FBXO9: variants seen among roughly 807,000 people sequenced by gnomAD.
The protein encoded by FBXO9 is F-box protein 9, also known as F-box only protein 9.
Under a neutral mutation model 63.7 loss-of-function variants are expected in FBXO9, and 43 were observed. That is an observed-to-expected ratio of 0.67 (90% confidence interval 0.53 to 0.87). The LOEUF (loss-of-function observed/expected upper bound fraction) is 0.87. Among genes scored for constraint, FBXO9 ranks in the 40% least tolerant of loss-of-function variants. FBXO9 has a pLI of 0.00. For synonymous variants in FBXO9, 156 were observed against 171.7 expected (o/e 0.91, Z 0.72); for missense variants, 442 against 533.2 (o/e 0.83, Z 1.68).
At chr6:53,071,228 A>G in intron 2 of FBXO9, 85 bp downstream of exon 2, 2 of 1,288,842 alleles carry the variant, frequency 1.6e-6, no homozygotes, top group Non-Finnish European at 1.1e-6. Flanking sequence ...GGGTATTTGT[A>G]GGTTATTACT....
chr6:53,097,696 A>G (rs1403391911), intron 12 of FBXO9, 26 bp from the exon 13 acceptor site: 3 of 1,354,092 alleles, frequency 2.2e-6, no homozygotes, highest in African/African-American at 1.4e-5. Flanking sequence ...TCCTCATACT[A>G]GTAATTTTGT....
Position 53,076,519 on chromosome 6 carries a change from G to T in FBXO9, c.283G>T (p.Glu95Ter). ...RELFLKAVEE[E>*]QNGALYEAIK... ...ACTCTTCCTAAAAGCAGTAGAAGAAGAACAAAATGGAGCTCTCTATGAAGG... is the reference window on the plus strand; with the variant it reads ...ACTCTTCCTAAAAGCAGTAGAAGAATAACAAAATGGAGCTCTCTATGAAGG... The change falls in exon 4 of 13, where the codon GAA (glutamate) becomes TAA (stop). Residue 95 changes from glutamate (E) to a stop codon, truncating the protein, a stop_gained. Transcript: ENST00000323557. LOFTEE classifies it high-confidence loss of function. The T allele has an allele frequency of 6.5e-7, 1 of 1,545,258 alleles. No homozygotes were observed. Among genetic ancestry groups the T allele is most frequent in the Admixed American group, 2.3e-5 (1 of 43,412 alleles).
chr6:53,076,360 A>G lies in FBXO9; in HGVS notation c.250-126A>G, dbSNP rs377181487. Reference sequence around the variant, plus strand: ...TTATGTAAAGTATGAGGTTTAGGTCAAGGTTCATTAATTTGCCTATGAATA... The same window carrying G: ...TTATGTAAAGTATGAGGTTTAGGTCGAGGTTCATTAATTTGCCTATGAATA... On this transcript the variant is annotated intron_variant, in intron 3 of 12. Coordinates refer to ENST00000323557, the MANE Select transcript of FBXO9 (RefSeq NM_033480.3). 2.0e-5 allele frequency: 13 copies of G among 636,580 alleles called. No individual in the cohort carries two copies. The African/African-American group carries it at 2.5e-4, about 12-fold the overall frequency. 39.4% of individuals were successfully genotyped at this position (636,580 alleles called of 1,614,324 possible).
chr6:53,093,980 T>G lies in FBXO9; in HGVS notation c.1053+2T>G. On this transcript the variant is annotated splice_donor_variant, in intron 11 of 12. Transcript: ENST00000323557. LOFTEE classifies it high-confidence loss of function. The stretch of plus-strand genomic sequence containing the variant: ...GTAATAACTAAGAAAAAAGAAGAAG[T>G]GAGTATACGAGGTGTAATTAATAGT... The G allele has an allele frequency of 6.5e-7, 1 of 1,536,704 alleles. No homozygotes were observed. Among genetic ancestry groups the G allele is most frequent in the Non-Finnish European group, 8.8e-7 (1 of 1,135,110 alleles).
intron 7 of FBXO9, among the ~76,000 whole-genome samples, chr6:53,086,388 T>A (rs961089765): frequency 3.3e-5 from 5 of 152,196 alleles, no homozygotes; most frequent in African/African-American, 1.2e-4. Context: ...TCAGTTTTCG[T>A]AAGTAACCAA....
At chr6:53,076,966 G>A (rs2127490789) in intron 4 of FBXO9, among the ~76,000 whole-genome samples, 1 of 152,026 alleles carries the variant, frequency 6.6e-6, no homozygotes, top group Non-Finnish European at 1.5e-5. Context: ...ATATTGCTGG[G>A]AAACATCATC....
Position 53,098,235 on chromosome 6 carries a change from G to C in FBXO9, c.*405G>C, listed in dbSNP as rs186480220. On this transcript the variant is annotated 3_prime_UTR_variant, in exon 13 of 13. Coordinates refer to ENST00000323557, the MANE Select transcript of FBXO9 (RefSeq NM_033480.3). The stretch of plus-strand genomic sequence containing the variant: ...TAATATTTCAATGCATCAGGGGAGC[G>C]CTCCACTGGATAAGCATTTTATTTC... 6.6e-3 allele frequency: 2,008 copies of C among 305,092 alleles called. 14 individuals carry two copies. The highest frequency in any genetic ancestry group is 9.9e-3 in the Non-Finnish European group (1,386 of 139,712). The allele number at this position is 305,092 out of a possible 1,614,324, so 18.9% of individuals were successfully genotyped here.
intron 1 of FBXO9, among the ~76,000 whole-genome samples, chr6:53,070,175 C>T (rs1300963389): frequency 2.6e-5 from 4 of 151,554 alleles, no homozygotes; most frequent in East Asian, 1.9e-4. Context: ...TGTACCACCA[C>T]GCCTGGCTGA....
chr6:53,090,115 A>G (rs1185934946), intron 7 of FBXO9, among the ~76,000 whole-genome samples: 1 of 152,252 alleles, frequency 6.6e-6, no homozygotes, highest in Non-Finnish European at 1.5e-5. Context: ...TACAAAGATC[A>G]TTAACAAGGG....
At position 53,095,494 on chromosome 6, in the gene FBXO9, T is replaced by C. The variant is rs181990336; in HGVS notation, c.1054-19T>C. The C allele has an allele frequency of 5.0e-6, 8 of 1,597,890 alleles. No individual in the cohort carries two copies. The Admixed American group carries it at 1.2e-4, about 25-fold the overall frequency. On this transcript the variant is annotated intron_variant, in intron 11 of 12. Transcript: ENST00000323557. ...TGAGGTAAGGTTTCATTATAACTTA[T>C]GCATCTTTTCTTTTGCAGAAACCAC... is the stretch of plus-strand genomic sequence containing the variant.
intron 1 of FBXO9, among the ~76,000 whole-genome samples, chr6:53,069,772 CTG>C (rs1393667389): frequency 1.3e-5 from 2 of 152,080 alleles, no homozygotes; most frequent in Admixed American, 6.5e-5. Context: ...ATTTCACAAA[CTG>C]TGAAATATAT....
In FBXO9 at chr6:53,097,739, C is replaced by A. The variant is rs369781804; in HGVS notation, c.1223C>A (p.Ala408Glu). 1 of 1,600,168 alleles carries A rather than the reference C, an allele frequency of 6.2e-7. No individual in the cohort carries two copies. The highest frequency in any genetic ancestry group is 8.5e-7 in the Non-Finnish European group (1 of 1,171,734). ...TTTTACAGATCAACTGGTGAGACTG[C>A]AGTCAGTGCTTTTGAGATTGACAAG... The part of the protein sequence containing the change: ...HITYKSTGET[A>E]VSAFEIDKMY... Residue 408 changes from alanine to glutamate, a missense_variant, in exon 13 of 13, where the codon GCA becomes GAA. Around this residue, in one of 2 missense-constraint regions of FBXO9, gnomAD observed 262 missense variants for 362.1 expected, o/e 0.72. Coordinates refer to ENST00000323557, the MANE Select transcript of FBXO9 (RefSeq NM_033480.3).
intron 7 of FBXO9, 96 bp from the exon 8 acceptor site, chr6:53,092,333 C>T: frequency 1.1e-6 from 1 of 885,498 alleles, no homozygotes; most frequent in Non-Finnish European, 1.8e-6. Context: ...AGGTGTTCAA[C>T]AAATACTTGC....
Position 53,093,543 on chromosome 6 carries a change from T to G in FBXO9, c.941T>G (p.Leu314Ter). The G allele has an allele frequency of 1.2e-6, 2 of 1,613,294 alleles. No individual in the cohort carries two copies. Among genetic ancestry groups the G allele is most frequent in the Non-Finnish European group, 1.7e-6 (2 of 1,179,394 alleles). ...PEEPQSIVPR[L>*]RTRNTRTDAI... ...GAGCCTCAGTCCATTGTTCCACGTT[T>G]AAGAACTAGGAATACCAGGTAGCAT... Residue 314 changes from leucine to a stop codon, truncating the protein, a stop_gained, in exon 10 of 13, where the codon TTA becomes TGA. Transcript: ENST00000323557. LOFTEE classifies it high-confidence loss of function.
chr6:53,076,249 A>G (rs1446327591), intron 3 of FBXO9, among the ~76,000 whole-genome samples: 2 of 152,164 alleles, frequency 1.3e-5, no homozygotes, highest in African/African-American at 4.8e-5. Context: ...GCCTAGTCCT[A>G]GGTCTCCAAG....
At chr6:53,069,934 T>C (rs1237108272) in intron 1 of FBXO9, among the ~76,000 whole-genome samples, 1 of 152,068 alleles carries the variant, frequency 6.6e-6, no homozygotes, top group Non-Finnish European at 1.5e-5. Context: ...TTTAAAGTCT[T>C]GTAGAACTAA....
At chr6:53,096,914 A>G (rs1763228604) in intron 12 of FBXO9, among the ~76,000 whole-genome samples, 1 of 152,208 alleles carries the variant, frequency 6.6e-6, no homozygotes, top group Non-Finnish European at 1.5e-5. Context: ...TCAAAAAGAA[A>G]AAAAGAAACC....
rs997479495 is a variant in FBXO9 at position 53,065,463 on chromosome 6, G to A, written c.-327G>A. 2 of 307,238 alleles carry A rather than the reference G, an allele frequency of 6.5e-6. No individual in the cohort carries two copies. 19.0% of individuals were successfully genotyped at this position (307,238 alleles called of 1,614,324 possible). A position where few individuals can be genotyped will look rare whatever the true frequency, so the allele number is the denominator to read the frequency against. ...AGGGGGCAGCTCCGCGGCGGCGTCCGGGGTCTCCAGTAGGGCTGACGCTCC... is the reference window on the plus strand; with the variant it reads ...AGGGGGCAGCTCCGCGGCGGCGTCCAGGGTCTCCAGTAGGGCTGACGCTCC... On this transcript the variant is annotated 5_prime_UTR_variant, in exon 1 of 13. Coordinates refer to ENST00000323557, the MANE Select transcript of FBXO9 (RefSeq NM_033480.3).
intron 5 of FBXO9, among the ~76,000 whole-genome samples, chr6:53,079,284 G>A (rs1485147693): frequency 6.6e-6 from 1 of 151,988 alleles, no homozygotes; most frequent in Non-Finnish European, 1.5e-5. Context: ...TTGAGTGATG[G>A]GTACATGGGA....
Sources: gnomAD v4.1 joint callset for allele counts (sites outside exome capture counted in the v4.1 genomes callset) on GRCh38, gnomAD v4.1.1 for gene constraint, gnomAD v4.1.1 regional missense constraint, MANE v1.5 for transcripts, NCBI Gene and HGNC (gene_info 2026-07-23, HGNC 2026-07-21) for gene names.